Variants in EPHA4 observed in about 807,000 individuals in gnomAD.
The protein encoded by EPHA4 is ephrin type-A receptor 4.
EPHA4 carries 19 observed loss-of-function variants against 108.3 expected under a neutral mutation model. That is an observed-to-expected ratio of 0.18 (90% confidence interval 0.12 to 0.26). EPHA4 has a LOEUF of 0.26. Among genes scored for constraint, EPHA4 ranks in the 10% least tolerant of loss-of-function variants. The probability of loss-of-function intolerance (pLI) is 1.00; values close to 1 mark genes in which losing one functional copy is unlikely to be tolerated. For synonymous variants in EPHA4, 449 were observed against 455.5 expected (o/e 0.99, Z 0.18); for missense variants, 917 against 1,254.0 (o/e 0.73, Z 4.06).
At chr2:221,535,496 C>T (rs1693642085) in intron 3 of EPHA4, among the ~76,000 whole-genome samples, 2 of 152,154 alleles carry the variant, frequency 1.3e-5, no homozygotes. Context: ...TCTAAATAAA[C>T]ATTATCGTCT....
intron 4 of EPHA4, among the ~76,000 whole-genome samples, chr2:221,499,763 T>A (rs1325323836): frequency 4.4e-4 from 52 of 118,238 alleles, no homozygotes; most frequent in African/African-American, 1.9e-3. Flanking sequence ...TATATTTTTT[T>A]TTTTTTTTTT....
chr2:221,439,252 T>G (rs553757283), intron 11 of EPHA4, among the ~76,000 whole-genome samples: 2 of 152,004 alleles, frequency 1.3e-5, no homozygotes, highest in Non-Finnish European at 2.9e-5. Flanking sequence ...TGTCTGCACA[T>G]TCTCTATCAA....
chr2:221,440,465 G>A (rs556124418), intron 11 of EPHA4, among the ~76,000 whole-genome samples: 1 of 152,114 alleles, frequency 6.6e-6, no homozygotes, highest in Non-Finnish European at 1.5e-5. Flanking sequence ...AGTAGTGAAG[G>A]GCTCTGGGCG....
chr2:221,437,363 C>T, intron 11 of EPHA4: 1 of 389,956 alleles, frequency 2.6e-6, no homozygotes, highest in East Asian at 4.0e-5. Flanking sequence ...AGGTCTTTAA[C>T]TAAAGTGGCC....
At position 221,455,557 on chromosome 2, in the gene EPHA4, T is replaced by C. The variant is rs780185882; in HGVS notation, c.1705A>G (p.Ile569Val). 6.2e-7 allele frequency: 1 copy of C among 1,613,708 alleles called. No homozygotes were observed. The highest frequency in any genetic ancestry group is 1.1e-5 in the South Asian group (1 of 91,058). Residue 569 changes from isoleucine (I) to valine (V), a missense_variant, in exon 8 of 18, where the codon ATC (isoleucine) becomes GTC (valine). Transcript: ENST00000281821. ...GGCTTCAGTGCTTACCTCCGGCTGA[T>C]GACAAAAGCTGCAATGAGAATTACC... Reference protein sequence around the residue: ...LVVILIAAFVISRRRSKYSKA... With the variant: ...LVVILIAAFVVSRRRSKYSKA...
In EPHA4 at chr2:221,483,895, G is replaced by A. The variant is rs571556725; in HGVS notation, c.980-1205C>T. Among the ~76,000 whole-genome samples, 9 of 152,190 alleles carry A rather than the reference G, an allele frequency of 5.9e-5. No homozygotes were observed. In the South Asian group the frequency reaches 1.7e-3, roughly 28 times the overall value. On this transcript the variant is annotated intron_variant, in intron 4 of 17. Coordinates refer to ENST00000281821, the MANE Select transcript of EPHA4 (RefSeq NM_004438.5). ...AAGGGAGAGGGAATTTTCTTGGTCT[G>A]AACCAGTTCCAAAGGCTTAAAAGGT...
intron 5 of EPHA4, among the ~76,000 whole-genome samples, chr2:221,480,625 C>T (rs1387373736): frequency 1.3e-5 from 2 of 152,162 alleles, no homozygotes; most frequent in African/African-American, 4.8e-5. Context: ...AAAAATAAAA[C>T]TAATGACTGC....
chr2:221,566,309 TAA>T (rs1694625646), intron 2 of EPHA4, among the ~76,000 whole-genome samples: 1 of 151,968 alleles, frequency 6.6e-6, no homozygotes, highest in Non-Finnish European at 1.5e-5. Flanking sequence ...TAACAGTGAA[TAA>T]AGACATTAAA....
intron 4 of EPHA4, among the ~76,000 whole-genome samples, chr2:221,499,754 ATATTTTTTT>A (rs1295041390): frequency 3.4e-4 from 12 of 34,846 alleles, no homozygotes; most frequent in African/African-American, 1.8e-3. Context: ...ATATATATAT[ATATTTTTTT>A]TTTTTTTTTT....
At chr2:221,559,370 CTCCTT>C (rs1694390922) in intron 3 of EPHA4, among the ~76,000 whole-genome samples, 1 of 152,086 alleles carries the variant, frequency 6.6e-6, no homozygotes, top group South Asian at 2.1e-4. Flanking sequence ...ATCTGGAGCT[CTCCTT>C]TCATTTTTCA....
intron 3 of EPHA4, among the ~76,000 whole-genome samples, chr2:221,511,515 G>A (rs566871268): frequency 1.3e-5 from 2 of 151,680 alleles, no homozygotes; most frequent in South Asian, 2.1e-4. Context: ...CCTCACTTCC[G>A]ATTTCTGTAT....
chr2:221,573,104 T>A (rs1694899774), upstream of EPHA4: 1 of 151,554 alleles, frequency 6.6e-6, no homozygotes, highest in Non-Finnish European at 1.5e-5. This position sits in a 1 kb window ranked among gnomAD's most constrained non-coding sequence, Gnocchi z 4.5. Context: ...AGGGAACCAG[T>A]TGTGGATTTC....
chr2:221,520,403 T>C (rs1181485573), intron 3 of EPHA4, among the ~76,000 whole-genome samples: 1 of 152,172 alleles, frequency 6.6e-6, no homozygotes, highest in Non-Finnish European at 1.5e-5. Flanking sequence ...TACACAGCAC[T>C]TCTGTATACA....
At chr2:221,508,707 G>T (rs548493535) in intron 3 of EPHA4, among the ~76,000 whole-genome samples, 1 of 152,118 alleles carries the variant, frequency 6.6e-6, no homozygotes. Flanking sequence ...ATGGGACAGA[G>T]CCTGGAGTGA....
intron 5 of EPHA4, among the ~76,000 whole-genome samples, chr2:221,464,934 C>A (rs1202155565): frequency 6.6e-6 from 1 of 152,088 alleles, no homozygotes; most frequent in Non-Finnish European, 1.5e-5. Flanking sequence ...AACATAGAAC[C>A]AAATTCTCAG....
intron 5 of EPHA4, among the ~76,000 whole-genome samples, chr2:221,472,584 T>C (rs983698202): frequency 6.6e-6 from 1 of 152,096 alleles, no homozygotes; most frequent in Non-Finnish European, 1.5e-5. Flanking sequence ...TTTAAAAAAC[T>C]TATCTGTCCC....
At chr2:221,499,756 A>ATAT (rs1334015871) in intron 4 of EPHA4, among the ~76,000 whole-genome samples, 25 of 26,220 alleles carry the variant, frequency 9.5e-4, no homozygotes, top group Non-Finnish European at 1.1e-3. Flanking sequence ...ATATATATAT[A>ATAT]TTTTTTTTTT....
chr2:221,436,325 G>T (rs750783180), intron 13 of EPHA4, 74 bp downstream of exon 13: 16 of 1,405,098 alleles, frequency 1.1e-5, no homozygotes, highest in Non-Finnish European at 1.2e-5. Flanking sequence ...ATTACAAAGG[G>T]CTTCAATCTC....
intron 11 of EPHA4, among the ~76,000 whole-genome samples, chr2:221,438,527 C>A (rs1450803715): frequency 6.6e-6 from 1 of 152,094 alleles, no homozygotes; most frequent in East Asian, 1.9e-4. Flanking sequence ...GTGGCTCACA[C>A]CTGCAATTCC....
Sources: gnomAD v4.1 joint callset for allele counts (sites outside exome capture counted in the v4.1 genomes callset) on GRCh38, gnomAD v4.1.1 for gene constraint, Gnocchi (gnomAD v3.1) non-coding constraint, MANE v1.5 for transcripts, NCBI Gene and HGNC (gene_info 2026-07-23, HGNC 2026-07-21) for gene names.